The following KAZN variants were observed in gnomAD, a reference collection of about 807,000 sequenced individuals.
KAZN encodes the protein kazrin.
In KAZN, 40 loss-of-function variants were observed where a neutral mutation model predicts 87.4. The observed-to-expected ratio is 0.46, with a 90% CI of 0.36 to 0.60. The LOEUF (loss-of-function observed/expected upper bound fraction) is 0.60. KAZN is among the 20% of genes least tolerant of loss of function. KAZN has a pLI of 0.00. For synonymous variants in KAZN, 466 were observed against 458.3 expected (o/e 1.02, Z -0.22); for missense variants, 898 against 1,073.9 (o/e 0.84, Z 2.29).
chr1:15,082,463 G>A (rs1014689240), intron 8 of KAZN, among the ~76,000 whole-genome samples: 1 of 152,172 alleles, frequency 6.6e-6, no homozygotes, highest in East Asian at 1.9e-4. Context: ...GCCACAGGCT[G>A]GGTATAGACT....
At chr1:14,849,895 G>T (rs974341194) in intron 1 of KAZN, among the ~76,000 whole-genome samples, 1 of 151,174 alleles carries the variant, frequency 6.6e-6, no homozygotes, top group Non-Finnish European at 1.5e-5. Context: ...ATCAACTACT[G>T]CTTGCAATAA....
intron 2 of KAZN, among the ~76,000 whole-genome samples, chr1:14,363,431 C>T (rs1425117269): frequency 6.6e-6 from 1 of 152,192 alleles, no homozygotes; most frequent in East Asian, 1.9e-4. Flanking sequence ...GGAAACACAA[C>T]CCCAAACAAT....
At chr1:14,642,454 T>C (rs2148677808) in intron 1 of KAZN, among the ~76,000 whole-genome samples, 1 of 152,238 alleles carries the variant, frequency 6.6e-6, no homozygotes, top group South Asian at 2.1e-4. Flanking sequence ...CCCATCAAGT[T>C]AACACGGCAT....
In KAZN at chr1:14,675,211, T is replaced by C. The variant is rs150643322; in HGVS notation, c.226+75988T>C. 8.2e-3 allele frequency among the ~76,000 whole-genome samples: 1,243 copies of C among 152,286 alleles called. 19 individuals are homozygous for C. Among genetic ancestry groups the C allele is most frequent in the African/African-American group, 0.029 (1,185 of 41,556 alleles). On this transcript the variant is annotated intron_variant, in intron 1 of 14. Coordinates refer to ENST00000376030, the MANE Select transcript of KAZN (RefSeq NM_201628.3). ...CAGGCTGCCACCAGGCCCCACTGCCTTCACACCAAGAGGGCAGCAGGATGG... is the reference window on the plus strand; with the variant it reads ...CAGGCTGCCACCAGGCCCCACTGCCCTCACACCAAGAGGGCAGCAGGATGG...
At chr1:14,567,042 G>C (rs1346900451) in intron 2 of KAZN, among the ~76,000 whole-genome samples, 2 of 152,134 alleles carry the variant, frequency 1.3e-5, no homozygotes, top group Admixed American at 1.3e-4. Flanking sequence ...CTAAGTATTT[G>C]GTGCAAGAGG....
chr1:14,719,280 C>T (rs947345936), intron 1 of KAZN, among the ~76,000 whole-genome samples: 1 of 152,212 alleles, frequency 6.6e-6, no homozygotes, highest in Non-Finnish European at 1.5e-5. Flanking sequence ...AACACATTTA[C>T]GCTGAGTGCA....
intron 2 of KAZN, 81 bp from the exon 3 acceptor site, chr1:15,034,668 C>G: frequency 6.6e-7 from 1 of 1,519,266 alleles, no homozygotes; most frequent in Non-Finnish European, 9.0e-7. Context: ...AAGGTGACGG[C>G]GGTGATGCCA....
intron 1 of KAZN, among the ~76,000 whole-genome samples, chr1:14,109,818 T>TGGCTCACTGCAAC (rs1427458889): frequency 6.6e-6 from 1 of 150,856 alleles, no homozygotes; most frequent in African/African-American, 2.4e-5. Context: ...CAAAACGATT[T>TGGCTCACTGCAAC]CAGCGTCAAG....
chr1:15,048,830 GGGTCGTTGGTCCTGGGTCGTTGGTCCTT>G lies in KAZN; in HGVS notation c.726+4699_726+4726del, dbSNP rs1255073952. 1.3e-3 allele frequency among the ~76,000 whole-genome samples: 197 copies of G among 148,850 alleles called. 2 individuals are homozygous for G. Among genetic ancestry groups the G allele is most frequent in the African/African-American group, 3.9e-3 (156 of 40,122 alleles). On this transcript the variant is annotated intron_variant, in intron 4 of 14. Coordinates refer to ENST00000376030, the MANE Select transcript of KAZN (RefSeq NM_201628.3). ...TCGTTGGTCCTGGGTTGTTGGTGCT[GGGTCGTTGGTCCTGGGTCGTTGGTCCTT>G]GGTCGTTGGTCCTGGGTCGTTGGTC...
At chr1:14,504,868 A>G (rs373137313) in intron 2 of KAZN, among the ~76,000 whole-genome samples, 4 of 152,222 alleles carry the variant, frequency 2.6e-5, no homozygotes, top group African/African-American at 9.6e-5. Context: ...TTCTTGTATT[A>G]ACTAGAATTG....
intron 1 of KAZN, among the ~76,000 whole-genome samples, chr1:14,760,790 CAAATA>C (rs933121476): frequency 5.9e-5 from 9 of 152,262 alleles, no homozygotes; most frequent in Admixed American, 4.6e-4. Context: ...CTCGTCTCTA[CAAATA>C]AAATAAAACC....
intron 2 of KAZN, among the ~76,000 whole-genome samples, chr1:14,509,393 G>A (rs1194982326): frequency 6.6e-6 from 1 of 152,142 alleles, no homozygotes; most frequent in Non-Finnish European, 1.5e-5. Context: ...TCAAGCGCAT[G>A]GTCTTTCCAC....
intron 1 of KAZN, among the ~76,000 whole-genome samples, chr1:14,059,019 G>A (rs139317365): frequency 3.4e-4 from 52 of 152,338 alleles, no homozygotes; most frequent in African/African-American, 1.2e-3. Flanking sequence ...AGGAAGGACA[G>A]AATTTGCAAT....
chr1:14,273,835 A>AT lies in KAZN; in HGVS notation c.249+93255dup, dbSNP rs55714663. Among the ~76,000 whole-genome samples, 188 of 150,550 alleles carry AT rather than the reference A, an allele frequency of 1.2e-3. 1 individual carries two copies. Among genetic ancestry groups the AT allele is most frequent in the South Asian group, 7.6e-3 (36 of 4,766 alleles). On this transcript the variant is annotated intron_variant, in intron 2 of 16. Coordinates refer to the KAZN transcript ENST00000636203. Reference sequence around the variant, plus strand: ...TCAAAGTCTGAAAGCTGGGAGCAGTATTTTTTTTTTTTGATTATTCTCTGG... The same window carrying AT: ...TCAAAGTCTGAAAGCTGGGAGCAGTATTTTTTTTTTTTTGATTATTCTCTGG...
At chr1:14,525,470 T>A (rs1261583189) in intron 2 of KAZN, among the ~76,000 whole-genome samples, 1 of 152,244 alleles carries the variant, frequency 6.6e-6, no homozygotes, top group Non-Finnish European at 1.5e-5. Context: ...AGCATGCTTG[T>A]GTTCCGATAA....
chr1:14,645,551 T>G (rs1680746968), intron 1 of KAZN, among the ~76,000 whole-genome samples: 1 of 152,238 alleles, frequency 6.6e-6, no homozygotes, highest in African/African-American at 2.4e-5. Context: ...TTGCCTTGGC[T>G]ATTGTTGGTG....
intron 2 of KAZN, among the ~76,000 whole-genome samples, chr1:15,020,547 G>T (rs1402207707): frequency 6.6e-6 from 1 of 152,046 alleles, no homozygotes; most frequent in East Asian, 1.9e-4. Context: ...TCTGTGTCTG[G>T]CTCCAGAAGC....
At chr1:14,771,314 G>A (rs1360200506) in intron 1 of KAZN, among the ~76,000 whole-genome samples, 1 of 152,176 alleles carries the variant, frequency 6.6e-6, no homozygotes, top group African/African-American at 2.4e-5. Context: ...ACAGTAGGCA[G>A]CATCTCTGGG....
chr1:14,214,687 A>C (rs995315543), intron 2 of KAZN, among the ~76,000 whole-genome samples: 3 of 152,244 alleles, frequency 2.0e-5, no homozygotes, highest in Admixed American at 2.0e-4. Flanking sequence ...TGGATTGTAT[A>C]TGAGATGTAA....
Sources: allele counts gnomAD v4.1 joint callset (sites outside exome capture counted in the v4.1 genomes callset), GRCh38; gene constraint gnomAD v4.1.1; transcripts MANE v1.5; gene names NCBI Gene and HGNC (gene_info 2026-07-23, HGNC 2026-07-21).